NHSL1: variants seen among roughly 807,000 people sequenced by gnomAD.
NHSL1 encodes the protein NHS-like protein 1.
In NHSL1, 48 loss-of-function variants were observed where a neutral mutation model predicts 95.0. That is an observed-to-expected ratio of 0.51 (90% confidence interval 0.40 to 0.64). The LOEUF (loss-of-function observed/expected upper bound fraction) is 0.64, where lower values mean the gene tolerates loss of function less well. NHSL1 is among the 30% of genes least tolerant of loss of function. The probability of loss-of-function intolerance (pLI) is 0.00; values close to 1 mark genes in which losing one functional copy is unlikely to be tolerated. For missense variants in NHSL1, 1,971 were observed against 2,077.7 expected, an observed-to-expected ratio of 0.95 and a Z score of 1.00; for synonymous variants, 783 against 833.9, an observed-to-expected ratio of 0.94 and a Z score of 1.05.
chr6:138,649,265 C>A (rs1010982444), intron 1 of NHSL1, among the ~76,000 whole-genome samples: 1 of 152,036 alleles, frequency 6.6e-6, no homozygotes, highest in Non-Finnish European at 1.5e-5. Context: ...TCGTCTCTCA[C>A]TAGGAAAGGC....
intron 1 of NHSL1, among the ~76,000 whole-genome samples, chr6:138,621,500 C>T (rs1784663861): frequency 6.6e-6 from 1 of 151,554 alleles, no homozygotes; most frequent in African/African-American, 2.4e-5. Context: ...CAAGATGTAG[C>T]CTTGCTCTGT....
chr6:138,526,194 A>G (rs1365054676), intron 1 of NHSL1, among the ~76,000 whole-genome samples: 2 of 149,066 alleles, frequency 1.3e-5, no homozygotes, highest in African/African-American at 4.9e-5. Flanking sequence ...AAAACATTCT[A>G]TTTTGTAGCC....
intron 1 of NHSL1, among the ~76,000 whole-genome samples, chr6:138,617,701 G>A (rs1784599260): frequency 6.6e-6 from 1 of 152,256 alleles, no homozygotes; most frequent in Non-Finnish European, 1.5e-5. Context: ...TATCAGCTAA[G>A]CTTGACAGAG....
intron 3 of NHSL1, among the ~76,000 whole-genome samples, chr6:138,472,157 G>C (rs994660082): frequency 1.7e-4 from 26 of 149,710 alleles, no homozygotes; most frequent in Admixed American, 1.7e-3. Flanking sequence ...ACTCCAGCCT[G>C]GGCGACAGAG....
rs538601461 is a variant in NHSL1, at chr6:138,577,875, T to C, written c.97-81504A>G. ...AAAAAACAAAACAACCAAACGGTAT[T>C]ACCCCCAGGACCACAGCAAACACAT... On this transcript the variant is annotated intron_variant, in intron 1 of 3. Coordinates refer to the NHSL1 transcript ENST00000491526. 2.6e-5 allele frequency among the ~76,000 whole-genome samples: 4 copies of C among 152,338 alleles called. No individual in the cohort carries two copies. The South Asian group carries it at 6.2e-4, about 24-fold the overall frequency.
intron 1 of NHSL1, among the ~76,000 whole-genome samples, chr6:138,516,245 G>A (rs1369671153): frequency 6.6e-6 from 1 of 152,176 alleles, no homozygotes; most frequent in Non-Finnish European, 1.5e-5. Flanking sequence ...CTGAGGGAGT[G>A]TGGGCGTGGA....
chr6:138,692,948 G>A (rs1373598329), upstream of NHSL1, among the ~76,000 whole-genome samples: 3 of 150,426 alleles, frequency 2.0e-5, no homozygotes, highest in Non-Finnish European at 4.4e-5. This position sits in a 1 kb window ranked among gnomAD's most constrained non-coding sequence, Gnocchi z 4.0. Context: ...CGGGCGCGCG[G>A]GCGAGCGGGC....
At chr6:138,530,546 A>C (rs928034504) in intron 1 of NHSL1, among the ~76,000 whole-genome samples, 1 of 152,222 alleles carries the variant, frequency 6.6e-6, no homozygotes, top group Non-Finnish European at 1.5e-5. Context: ...ATAACTGAAG[A>C]GTGGATAAAG....
At chr6:138,464,195 C>T (rs1420773616) in intron 3 of NHSL1, 1 of 716,410 alleles carries the variant, frequency 1.4e-6, no homozygotes, top group Non-Finnish European at 2.3e-6. Flanking sequence ...CAGGGGCAGC[C>T]TGACAGAGGC....
chr6:138,642,053 T>G, intron 1 of NHSL1, among the ~76,000 whole-genome samples: 1 of 151,578 alleles, frequency 6.6e-6, no homozygotes. Flanking sequence ...AACTTTCTCT[T>G]ATAACCCATA....
rs933622672 is a variant in NHSL1, at chr6:138,431,966, C to G, written c.2379G>C (p.Pro793=). 3 of 1,551,640 alleles carry G rather than the reference C, an allele frequency of 1.9e-6. No individual in the cohort carries two copies. In the African/African-American group the frequency reaches 4.1e-5, roughly 21 times the overall value. ...YIDYTGMQED[P]GNPAGGCSTS... is the part of the protein sequence containing the mutation. ...TTGAACAGCCCCCTGCCGGGTTCCC[C>G]GGATCTTCCTGCATGCCCGTGTAGT... The change falls in exon 6 of 8, where the codon CCG becomes CCC. Residue 793 remains proline, a synonymous_variant. Transcript: ENST00000343505. The surrounding 1 kb of genome is among the most constrained non-coding windows in gnomAD (Gnocchi z 4.0).
At chr6:138,495,140 G>A (rs1220845117) in intron 2 of NHSL1, among the ~76,000 whole-genome samples, 1 of 152,134 alleles carries the variant, frequency 6.6e-6, no homozygotes, top group African/African-American at 2.4e-5. Context: ...CTACTCAGAA[G>A]GCTGAGGCAG....
chr6:138,610,704 C>A (rs9484187), intron 1 of NHSL1, among the ~76,000 whole-genome samples: 49,712 of 151,364 alleles, frequency 0.33, 9,015 homozygotes, highest in African/African-American at 0.51. Context: ...AGACCTGGGG[C>A]AATTGTCCAC....
chr6:138,498,159 T>G (rs1221760029), intron 1 of NHSL1, among the ~76,000 whole-genome samples: 1 of 152,214 alleles, frequency 6.6e-6, no homozygotes, highest in Non-Finnish European at 1.5e-5. Context: ...TTCATCACAG[T>G]GTTTTGTGCT....
intron 5 of NHSL1, among the ~76,000 whole-genome samples, chr6:138,434,802 A>T (rs146502199): frequency 1.4e-3 from 216 of 152,200 alleles, no homozygotes; most frequent in African/African-American, 5.0e-3. Context: ...CCCTCTCCCA[A>T]CACATAATCT....
chr6:138,424,843 G>C lies in NHSL1; in HGVS notation c.4086-27C>G. 1.3e-6 allele frequency: 2 copies of C among 1,535,154 alleles called. No individual in the cohort carries two copies. Among genetic ancestry groups the C allele is most frequent in the Non-Finnish European group, 1.8e-6 (2 of 1,136,488 alleles). On this transcript the variant is annotated intron_variant, in intron 7 of 7. Coordinates refer to ENST00000343505, the MANE Select transcript of NHSL1 (RefSeq NM_001144060.2). The surrounding 1 kb of genome is among the most constrained non-coding windows in gnomAD (Gnocchi z 5.9). Reference sequence around the variant, plus strand: ...TGAGATTTAATAACATTAAGAAAAAGGTTAATTCCCACGGGACCACAGGCT... The same window carrying C: ...TGAGATTTAATAACATTAAGAAAAACGTTAATTCCCACGGGACCACAGGCT...
At chr6:138,617,515 A>G (rs1784596568) in intron 1 of NHSL1, among the ~76,000 whole-genome samples, 1 of 152,154 alleles carries the variant, frequency 6.6e-6, no homozygotes, top group African/African-American at 2.4e-5. Flanking sequence ...CTATTAATCT[A>G]TTCCTCCCTC....
chr6:138,594,574 G>A (rs1784276371), intron 1 of NHSL1, among the ~76,000 whole-genome samples: 1 of 151,784 alleles, frequency 6.6e-6, no homozygotes, highest in South Asian at 2.1e-4. Context: ...CAGATGTATG[G>A]GCCCATTGCC....
At chr6:138,657,045 A>T (rs1376077834) in intron 1 of NHSL1, among the ~76,000 whole-genome samples, 1 of 152,172 alleles carries the variant, frequency 6.6e-6, no homozygotes, top group East Asian at 1.9e-4. Context: ...AACAAGATCA[A>T]TGAAAAGTGT....
Sources: allele counts gnomAD v4.1 joint callset (sites outside exome capture counted in the v4.1 genomes callset), GRCh38; gene constraint gnomAD v4.1.1; non-coding constraint Gnocchi (gnomAD v3.1); transcripts MANE v1.5; gene names NCBI Gene and HGNC (gene_info 2026-07-23, HGNC 2026-07-21).